Variants in TPD52L1 observed in about 807,000 individuals in gnomAD.
The protein encoded by TPD52L1 is TPD52 like 1.
In TPD52L1, 18 loss-of-function variants were observed where a neutral mutation model predicts 28.7. The ratio of observed to expected loss-of-function variants is 0.63; its 90% CI spans 0.43 to 0.93. The LOEUF is 0.93. Among genes scored for constraint, TPD52L1 ranks in the 40% least tolerant of loss-of-function variants. The pLI, the probability that TPD52L1 is intolerant of heterozygous loss-of-function variation, is 0.00. For synonymous variants in TPD52L1, 75 were observed against 88.8 expected, an observed-to-expected ratio of 0.84 and a Z score of 0.88; for missense variants, 203 against 254.8, an observed-to-expected ratio of 0.80 and a Z score of 1.39.
chr6:125,216,341 T>C (rs1794873097), intron 1 of TPD52L1, among the ~76,000 whole-genome samples: 1 of 151,906 alleles, frequency 6.6e-6, no homozygotes, highest in African/African-American at 2.4e-5. Flanking sequence ...CCTAATGACT[T>C]AGCTAGGAGA....
At chr6:125,213,007 T>C (rs938144300) in intron 1 of TPD52L1, among the ~76,000 whole-genome samples, 1 of 152,218 alleles carries the variant, frequency 6.6e-6, no homozygotes, top group Non-Finnish European at 1.5e-5. Context: ...AACAATTCTA[T>C]ATATTTTATT....
rs1034272054 is a variant in TPD52L1, at chr6:125,159,264, A to G, written c.19+5294A>G. On this transcript the variant is annotated intron_variant, in intron 1 of 6. Transcript: ENST00000534000. ...CCACTGCTTTATCGACTAAATTTAT[A>G]TAATTCTAAATCCTTTGTTGTCATT... Among the ~76,000 whole-genome samples, 32 of 152,238 alleles carry G rather than the reference A, an allele frequency of 2.1e-4. 1 individual carries two copies.
At chr6:125,262,607 T>C (rs1798123871) in intron 6 of TPD52L1, 3 of 475,344 alleles carry the variant, frequency 6.3e-6, no homozygotes, top group African/African-American at 2.0e-5. Flanking sequence ...AAAGAGAGGG[T>C]TGCTAAAAGT....
chr6:125,223,934 A>G (rs1582962930), intron 2 of TPD52L1, among the ~76,000 whole-genome samples: 1 of 152,174 alleles, frequency 6.6e-6, no homozygotes, highest in Non-Finnish European at 1.5e-5. Context: ...GTAAATTCCA[A>G]AAGTAGAATA....
chr6:125,220,042 A>G, intron 1 of TPD52L1, 36 bp from the exon 2 acceptor site: 2 of 1,486,396 alleles, frequency 1.3e-6, no homozygotes, highest in Non-Finnish European at 1.9e-6. Context: ...AATTCACTTT[A>G]AAAATTGCCT....
intron 1 of TPD52L1, among the ~76,000 whole-genome samples, chr6:125,165,320 C>T (rs2114755552): frequency 6.6e-6 from 1 of 151,754 alleles, no homozygotes; most frequent in Middle Eastern, 3.4e-3. Context: ...TGTTAATGTA[C>T]CAGGGAAGGC....
intron 1 of TPD52L1, among the ~76,000 whole-genome samples, chr6:125,172,157 T>TTTTCTTTCTTTC (rs200343475): frequency 7.8e-4 from 42 of 54,032 alleles, no homozygotes; most frequent in African/African-American, 1.0e-3. Flanking sequence ...TCTTTCTTTC[T>TTTTCTTTCTTTC]TTTCTTTCTT....
chr6:125,218,878 G>A (rs1795049499), intron 1 of TPD52L1, among the ~76,000 whole-genome samples: 1 of 152,184 alleles, frequency 6.6e-6, no homozygotes, highest in Non-Finnish European at 1.5e-5. Flanking sequence ...ACTTTGAAGG[G>A]TGAGAAAAAT....
chr6:125,161,658 G>A (rs1790529595), intron 1 of TPD52L1, among the ~76,000 whole-genome samples: 1 of 152,150 alleles, frequency 6.6e-6, no homozygotes, highest in African/African-American at 2.4e-5. Context: ...GGAAATGGGT[G>A]GCTGGTGGAG....
chr6:125,195,546 G>A (rs1793369146), intron 1 of TPD52L1, among the ~76,000 whole-genome samples: 1 of 152,156 alleles, frequency 6.6e-6, no homozygotes, highest in Non-Finnish European at 1.5e-5. Context: ...ATAAGATTAA[G>A]TAAATTTTAG....
intron 1 of TPD52L1, among the ~76,000 whole-genome samples, chr6:125,205,150 A>G (rs1052235229): frequency 6.6e-6 from 1 of 152,226 alleles, no homozygotes. Context: ...AGTAGAAATT[A>G]TCTCCCAAGA....
intron 1 of TPD52L1, among the ~76,000 whole-genome samples, chr6:125,201,037 T>C (rs955266257): frequency 1.3e-5 from 2 of 152,216 alleles, no homozygotes; most frequent in Non-Finnish European, 2.9e-5. Context: ...AGGCAGCGTT[T>C]CTTTTTGGAA....
chr6:125,163,277 C>G (rs1196531864), intron 1 of TPD52L1, among the ~76,000 whole-genome samples: 1 of 152,112 alleles, frequency 6.6e-6, no homozygotes, highest in African/African-American at 2.4e-5. Flanking sequence ...ATGTCAAATA[C>G]CATGGCATGC....
intron 3 of TPD52L1, among the ~76,000 whole-genome samples, chr6:125,231,637 G>T (rs368699205): frequency 6.7e-6 from 1 of 149,946 alleles, no homozygotes; most frequent in Admixed American, 6.6e-5. Flanking sequence ...GTTGTTGTTT[G>T]TTTGTTTGTT....
At chr6:125,253,950 A>G (rs1797434657) in intron 5 of TPD52L1, 195 bp downstream of exon 5, 3 of 758,482 alleles carry the variant, frequency 4.0e-6, no homozygotes, top group East Asian at 2.5e-5. Context: ...GCTTAAATCT[A>G]GTCTTTCCTG....
chr6:125,193,406 C>A (rs116630721), intron 1 of TPD52L1, among the ~76,000 whole-genome samples: 1 of 152,198 alleles, frequency 6.6e-6, no homozygotes, highest in African/African-American at 2.4e-5. Flanking sequence ...AGTCACTGTT[C>A]CTCATGGGTG....
chr6:125,256,077 G>A (rs1184051498), intron 5 of TPD52L1, among the ~76,000 whole-genome samples: 1 of 152,130 alleles, frequency 6.6e-6, no homozygotes, highest in Non-Finnish European at 1.5e-5. Flanking sequence ...GGCCAGGCAC[G>A]GTGGCTCACG....
chr6:125,174,719 G>GT (rs1437485177), intron 1 of TPD52L1, among the ~76,000 whole-genome samples: 1 of 152,188 alleles, frequency 6.6e-6, no homozygotes, highest in African/African-American at 2.4e-5. Flanking sequence ...AAATAACTTA[G>GT]TAGAGCATTG....
intron 6 of TPD52L1, among the ~76,000 whole-genome samples, chr6:125,257,584 G>A (rs12664038): frequency 5.3e-5 from 8 of 152,134 alleles, no homozygotes; most frequent in Admixed American, 2.0e-4. Context: ...TCCACTACCC[G>A]TCAGCTACCT....
Sources: allele counts gnomAD v4.1 joint callset (sites outside exome capture counted in the v4.1 genomes callset), GRCh38; gene constraint gnomAD v4.1.1; transcripts MANE v1.5; gene names NCBI Gene and HGNC (gene_info 2026-07-23, HGNC 2026-07-21).